Variants in SPTAN1 observed in about 807,000 individuals in gnomAD.
The protein encoded by SPTAN1 is spectrin alpha chain, non-erythrocytic 1.
In SPTAN1, 61 loss-of-function variants were observed where a neutral mutation model predicts 331.3. The ratio of observed to expected loss-of-function variants is 0.18; its 90% CI spans 0.15 to 0.23. The LOEUF is 0.23. Among genes scored for constraint, SPTAN1 ranks in the 10% least tolerant of loss-of-function variants. SPTAN1 has a pLI of 1.00. For synonymous variants in SPTAN1, 1,153 were observed against 1,173.9 expected (o/e 0.98, Z 0.36); for missense variants, 2,043 against 3,147.9 (o/e 0.65, Z 8.40).
chr9:128,594,307 TGAG>T lies in SPTAN1; in HGVS notation c.3353_3355del (p.Glu1118del). 6.2e-7 allele frequency: 1 copy of T among 1,613,880 alleles called. No homozygotes were observed. On this transcript the variant is annotated inframe_deletion, in exon 24 of 57. Transcript: ENST00000372739. ...ATGAGAAGGAAGCCGCTCTGACAAG[TGAG>T]GAGGTCGGAGCAGACTTGGAGCAGG...
At chr9:128,558,661 C>G (rs191519416) in intron 1 of SPTAN1, among the ~76,000 whole-genome samples, 2 of 152,256 alleles carry the variant, frequency 1.3e-5, no homozygotes, top group Admixed American at 1.3e-4. Flanking sequence ...GCGTTAATCC[C>G]ATATGGCTGG....
intron 34 of SPTAN1, among the ~76,000 whole-genome samples, chr9:128,608,540 A>G (rs2131625806): frequency 1.3e-5 from 2 of 152,340 alleles, no homozygotes; most frequent in Middle Eastern, 6.8e-3. Context: ...ACAACAAGGA[A>G]GATGTAAAAC....
At position 128,607,723 on chromosome 9, in the gene SPTAN1, G is replaced by C. The variant is rs560213432; in HGVS notation, c.4146+20G>C. 151 of 1,613,596 alleles carry C rather than the reference G, an allele frequency of 9.4e-5. 1 individual carries two copies. The East Asian group carries it at 3.1e-3, about 33-fold the overall frequency. ...CACCAGGTGGGTGGACCTGCCTGCTGAGTAGCAAAGACGTGGCTGCTCTGC... is the reference window on the plus strand; with the variant it reads ...CACCAGGTGGGTGGACCTGCCTGCTCAGTAGCAAAGACGTGGCTGCTCTGC... On this transcript the variant is annotated intron_variant, in intron 32 of 56. Transcript: ENST00000372739.
Position 128,584,705 on chromosome 9 carries a change from TG to T in SPTAN1, c.2438-14del, listed in dbSNP as rs1459543412. ...TCTTCATGGTTGGATAACTGGGGAC[TG>T]GTGTCTGCTTTCAGGTAAGGATTTA... On this transcript the variant is annotated splice_polypyrimidine_tract_variant and intron_variant, in intron 17 of 56. Coordinates refer to ENST00000372739, the MANE Select transcript of SPTAN1 (RefSeq NM_001130438.3). 3.1e-6 allele frequency: 5 copies of T among 1,614,234 alleles called. No individual in the cohort carries two copies. In the African/African-American group the frequency reaches 6.7e-5, roughly 22 times the overall value.
At chr9:128,595,260 C>T (rs568178078) in intron 24 of SPTAN1, among the ~76,000 whole-genome samples, 3 of 152,212 alleles carry the variant, frequency 2.0e-5, no homozygotes, top group South Asian at 2.1e-4. Flanking sequence ...CAGGTACGCA[C>T]GACCACATCT....
intron 31 of SPTAN1, 96 bp downstream of exon 31, chr9:128,605,573 A>G (rs544409892): frequency 1.9e-5 from 28 of 1,473,982 alleles, no homozygotes; most frequent in Middle Eastern, 2.3e-4. Context: ...GCAGGGTACA[A>G]TGGCTCACAC....
In SPTAN1 at chr9:128,615,730, G is replaced by C. The variant is rs777312802; in HGVS notation, c.5247G>C (p.Gly1749=). The C allele has an allele frequency of 6.2e-7, 1 of 1,614,212 alleles. No individual in the cohort carries two copies. Among genetic ancestry groups the C allele is most frequent in the South Asian group, 1.1e-5 (1 of 91,084 alleles). Residue 1749 remains glycine, a synonymous_variant, in exon 41 of 57, where the codon GGG becomes GGC. Transcript: ENST00000372739. ...QVKDKRDTIN[G]RFQKIKSMAA... is the part of the protein sequence containing the mutation. Reference sequence around the variant, plus strand: ...AGGACAAGAGGGACACCATCAACGGGCGCTTCCAGAAGATCAAGAGCATGG... The same window carrying C: ...AGGACAAGAGGGACACCATCAACGGCCGCTTCCAGAAGATCAAGAGCATGG...
At chr9:128,628,132 C>T (rs1466021055) in intron 51 of SPTAN1, 190 bp downstream of exon 51, 2 of 800,500 alleles carry the variant, frequency 2.5e-6, no homozygotes, top group East Asian at 2.5e-5. Context: ...GTCCCTGGTC[C>T]CCGATAGAGC....
chr9:128,594,429 A>T (rs376127976), intron 24 of SPTAN1, 56 bp downstream of exon 24: 1,288 of 759,744 alleles, frequency 1.7e-3, no homozygotes, highest in Non-Finnish European at 2.2e-3. Flanking sequence ...GAGTCTCTTG[A>T]TTTTTTTTTT....
At position 128,625,816 on chromosome 9, in the gene SPTAN1, C is replaced by G. The variant is rs1310120255; in HGVS notation, c.6117C>G (p.Ala2039=). The G allele has an allele frequency of 1.9e-6, 3 of 1,614,154 alleles. No homozygotes were observed. The Admixed American group carries it at 5.0e-5, about 27-fold the overall frequency. The change falls in exon 48 of 57, where the codon GCC becomes GCG. Residue 2039 remains alanine (A), a synonymous_variant. Coordinates refer to ENST00000372739, the MANE Select transcript of SPTAN1 (RefSeq NM_001130438.3). This position sits in a 1 kb window ranked among gnomAD's most constrained non-coding sequence, Gnocchi z 4.1. ...GLQAFQQEGI[A]NITALKDQLL... ...AGGCCTTCCAGCAGGAAGGCATTGC[C>G]AACATCACTGCCCTCAAAGATCAGC...
At chr9:128,608,089 T>C in intron 33 of SPTAN1, 40 bp downstream of exon 33, 1 of 1,614,226 alleles carries the variant, frequency 6.2e-7, no homozygotes, top group Non-Finnish European at 8.5e-7. Context: ...GTTTCCTTGC[T>C]GAAGGGCCTC....
chr9:128,554,370 C>T (rs1422236451), intron 1 of SPTAN1, among the ~76,000 whole-genome samples: 1 of 152,182 alleles, frequency 6.6e-6, no homozygotes, highest in Non-Finnish European at 1.5e-5. Context: ...TCTGGTATGT[C>T]ACAGGCTGCA....
intron 26 of SPTAN1, chr9:128,599,293 C>T (rs897442960): frequency 7.5e-6 from 3 of 398,638 alleles, no homozygotes; most frequent in South Asian, 2.2e-5. Flanking sequence ...TGGCACCACA[C>T]CCAGCTAATT....
intron 56 of SPTAN1, 76 bp downstream of exon 56, chr9:128,633,031 G>C: frequency 1.9e-6 from 3 of 1,600,854 alleles, no homozygotes; most frequent in South Asian, 2.2e-5. Context: ...GCTGAGTCTG[G>C]GGTAACAGGC....
In SPTAN1 at chr9:128,632,557, G is replaced by A. The variant is rs201100247; in HGVS notation, c.7014-15G>A. ...CAGGGCTGCCTGCTGAGCCGCCCTC[G>A]GCTTTGTGCTGCAGACACTTTGACA... On this transcript the variant is annotated splice_polypyrimidine_tract_variant and intron_variant, in intron 54 of 56. Transcript: ENST00000372739. 20 of 1,614,106 alleles carry A rather than the reference G, an allele frequency of 1.2e-5. No individual in the cohort carries two copies. Among genetic ancestry groups the A allele is most frequent in the South Asian group, 2.2e-5 (2 of 91,086 alleles).
intron 18 of SPTAN1, among the ~76,000 whole-genome samples, chr9:128,585,289 A>G (rs1852446960): frequency 6.6e-6 from 1 of 152,128 alleles, no homozygotes; most frequent in African/African-American, 2.4e-5. Context: ...TCGGCCTCCC[A>G]AAGTGCTGGG....
intron 2 of SPTAN1, among the ~76,000 whole-genome samples, chr9:128,567,920 C>T (rs935107692): frequency 3.2e-4 from 48 of 151,962 alleles, no homozygotes; most frequent in Non-Finnish European, 1.0e-4. Context: ...GACACCACGC[C>T]CAGCTAATTT....
At chr9:128,583,053 A>G in intron 14 of SPTAN1, 24 bp from the exon 15 acceptor site, 3 of 1,612,818 alleles carry the variant, frequency 1.9e-6, no homozygotes, top group Non-Finnish European at 2.5e-6. Context: ...CAAGATAGAA[A>G]GAACCCCCTT....
intron 52 of SPTAN1, chr9:128,630,598 T>G (rs1408403884): frequency 6.0e-6 from 3 of 497,196 alleles, no homozygotes; most frequent in Non-Finnish European, 1.1e-5. Context: ...GGTGCGATAT[T>G]GGCTCACTGC....
Sources: gnomAD v4.1 joint callset for allele counts (sites outside exome capture counted in the v4.1 genomes callset) on GRCh38, gnomAD v4.1.1 for gene constraint, Gnocchi (gnomAD v3.1) non-coding constraint, MANE v1.5 for transcripts, NCBI Gene and HGNC (gene_info 2026-07-23, HGNC 2026-07-21) for gene names.